SYN2: variants seen among roughly 807,000 people sequenced by gnomAD.
SYN2 encodes the protein synapsin-2.
Under a neutral mutation model 50.9 loss-of-function variants are expected in SYN2, and 19 were observed. The ratio of observed to expected loss-of-function variants is 0.37; its 90% CI spans 0.26 to 0.55. SYN2 has a LOEUF of 0.55. Among genes scored for constraint, SYN2 ranks in the 20% least tolerant of loss-of-function variants. The pLI is 0.81. For missense variants in SYN2, 587 were observed against 576.4 expected, an observed-to-expected ratio of 1.02 and a Z score of -0.19; for synonymous variants, 255 against 224.9, an observed-to-expected ratio of 1.13 and a Z score of -1.20.
intron 1 of SYN2, among the ~76,000 whole-genome samples, chr3:12,083,977 A>C (rs1467880428): frequency 6.6e-6 from 1 of 152,204 alleles, no homozygotes; most frequent in Non-Finnish European, 1.5e-5. Context: ...GAATGCTGGA[A>C]TAGTCCCCTT....
chr3:12,049,532 T>TAAAAAAA (rs58195740), intron 1 of SYN2, among the ~76,000 whole-genome samples: 1 of 150,436 alleles, frequency 6.6e-6, no homozygotes, highest in African/African-American at 2.5e-5. Flanking sequence ...AAAAAAAAAA[T>TAAAAAAA]AATAAAAAAT....
intron 1 of SYN2, among the ~76,000 whole-genome samples, chr3:12,116,977 C>T (rs554008643): frequency 2.0e-5 from 3 of 152,208 alleles, no homozygotes; most frequent in African/African-American, 4.8e-5. Context: ...TCTCGAACTC[C>T]TCAGCTTAAG....
intron 1 of SYN2, among the ~76,000 whole-genome samples, chr3:12,058,300 C>A (rs781361964): frequency 1.4e-4 from 21 of 152,118 alleles, no homozygotes; most frequent in Non-Finnish European, 2.8e-4. Context: ...GAATGATTCC[C>A]AGCTGTATTG....
At chr3:12,158,849 A>AG in intron 5 of SYN2, 1 of 1,565,110 alleles carries the variant, frequency 6.4e-7, no homozygotes, top group Non-Finnish European at 8.6e-7. Flanking sequence ...ATGACACTGC[A>AG]GATCCGCGAC....
intron 10 of SYN2, among the ~76,000 whole-genome samples, chr3:12,179,885 A>G (rs1029633189): frequency 2.0e-5 from 3 of 152,234 alleles, no homozygotes; most frequent in Admixed American, 1.3e-4. Flanking sequence ...CAGCATCATT[A>G]CAGACTGACA....
intron 1 of SYN2, among the ~76,000 whole-genome samples, chr3:12,113,066 G>A (rs374336969): frequency 4.6e-5 from 7 of 152,146 alleles, no homozygotes; most frequent in East Asian, 1.9e-4. Flanking sequence ...CTTTGTGCAC[G>A]TTCTAGGCCC....
rs577125678 is a variant in SYN2, at chr3:12,095,923, C to A, written c.378-44728C>A. Among the ~76,000 whole-genome samples the A allele has an allele frequency of 2.0e-5, 3 of 152,168 alleles. No homozygotes were observed. The South Asian group carries it at 6.2e-4, about 32-fold the overall frequency. On this transcript the variant is annotated intron_variant, in intron 1 of 12. Coordinates refer to ENST00000621198, the MANE Select transcript of SYN2 (RefSeq NM_133625.6). ...AACTTCAAATATCTGCATGACATCC[C>A]CACTTGCAGTTCTTATGTACGCATC...
chr3:12,093,875 G>A (rs371266080), intron 1 of SYN2, among the ~76,000 whole-genome samples: 9 of 54,856 alleles, frequency 1.6e-4, no homozygotes, highest in African/African-American at 6.8e-4. Flanking sequence ...TTTTTTTTTT[G>A]AGATGGAGTC....
At chr3:12,070,747 C>T (rs12489177) in intron 1 of SYN2, 35,119 of 764,362 alleles carry the variant, frequency 0.046, 1,798 homozygotes, top group East Asian at 0.19. Context: ...GGCCTAAGCC[C>T]TCCCCCATGC....
chr3:12,070,661 C>G, intron 1 of SYN2: 1 of 1,288,970 alleles, frequency 7.8e-7, no homozygotes, highest in Non-Finnish European at 1.1e-6. Context: ...TGCTGTCCCT[C>G]TATGCCTCTG....
At chr3:12,078,426 T>C (rs550914151) in intron 1 of SYN2, among the ~76,000 whole-genome samples, 97 of 152,346 alleles carry the variant, frequency 6.4e-4, no homozygotes, top group South Asian at 1.7e-3. Context: ...CCAGGGATTT[T>C]ATAGTTTTGG....
chr3:12,156,968 G>T, intron 5 of SYN2: 1 of 1,462,956 alleles, frequency 6.8e-7, no homozygotes, highest in Non-Finnish European at 9.6e-7. Flanking sequence ...GCAATATTGG[G>T]TCAGTGAGTG....
chr3:12,162,966 C>T (rs1615689), intron 7 of SYN2, among the ~76,000 whole-genome samples: 14 of 152,246 alleles, frequency 9.2e-5, no homozygotes, highest in Middle Eastern at 3.4e-3. Context: ...GTGGGCCAGG[C>T]GCGGTGGCTC....
At position 12,154,562 on chromosome 3, in the gene SYN2, C is replaced by T. The variant is rs994789136; in HGVS notation, c.774+3236C>T. Reference sequence around the variant, plus strand: ...GCAGCCTCCCCAATGACTTTGGTGGCAGTGGTGGCATGGGGCTCAGTGAAG... The same window carrying T: ...GCAGCCTCCCCAATGACTTTGGTGGTAGTGGTGGCATGGGGCTCAGTGAAG... On this transcript the variant is annotated intron_variant, in intron 5 of 12. Coordinates refer to ENST00000621198, the MANE Select transcript of SYN2 (RefSeq NM_133625.6). The T allele has an allele frequency of 3.2e-6, 4 of 1,244,112 alleles. No homozygotes were observed. In the African/African-American group the frequency reaches 4.5e-5, roughly 14 times the overall value. 77.1% of individuals were successfully genotyped at this position (1,244,112 alleles called of 1,614,324 possible).
intron 1 of SYN2, among the ~76,000 whole-genome samples, chr3:12,079,904 A>G (rs1695551197): frequency 6.6e-6 from 1 of 152,144 alleles, no homozygotes; most frequent in Non-Finnish European, 1.5e-5. Context: ...TACCTCTGTT[A>G]GAATTCAGCT....
chr3:12,186,629 C>T (rs751463460), intron 11 of SYN2, among the ~76,000 whole-genome samples: 16 of 152,122 alleles, frequency 1.1e-4, no homozygotes, highest in Non-Finnish European at 2.2e-4. Context: ...TGGATTTCTC[C>T]TGGTTGTGGG....
intron 1 of SYN2, among the ~76,000 whole-genome samples, chr3:12,013,277 C>T (rs575361988): frequency 2.0e-5 from 3 of 152,154 alleles, no homozygotes; most frequent in African/African-American, 7.2e-5. Context: ...CCTCTTTGTT[C>T]TCTTCATACT....
chr3:12,172,983 A>C (rs1171552590), intron 10 of SYN2, among the ~76,000 whole-genome samples: 1 of 152,228 alleles, frequency 6.6e-6, no homozygotes, highest in East Asian at 1.9e-4. Flanking sequence ...GGAAATGCAG[A>C]GTGTGTGCTT....
chr3:12,061,099 A>G (rs930475699), intron 1 of SYN2, among the ~76,000 whole-genome samples: 9 of 152,330 alleles, frequency 5.9e-5, no homozygotes, highest in Admixed American at 3.3e-4. Flanking sequence ...AAAATGAAGA[A>G]TGCCTTTGAT....
Sources: allele counts gnomAD v4.1 joint callset (sites outside exome capture counted in the v4.1 genomes callset), GRCh38; gene constraint gnomAD v4.1.1; transcripts MANE v1.5; gene names NCBI Gene and HGNC (gene_info 2026-07-23, HGNC 2026-07-21).